DCDC1: variants seen among roughly 807,000 people sequenced by gnomAD.
DCDC1 encodes the protein doublecortin domain-containing protein 1.
In DCDC1, 200 loss-of-function variants were observed where a neutral mutation model predicts 178.3. The observed-to-expected ratio is 1.12, with a 90% CI of 1.00 to 1.26. The LOEUF (loss-of-function observed/expected upper bound fraction) is 1.26, where lower values mean the gene tolerates loss of function less well. Ranked by LOEUF, DCDC1 falls within the 50% of genes most tolerant of loss-of-function variation. DCDC1 has a pLI of 0.00. For synonymous variants in DCDC1, 690 were observed against 604.8 expected, an observed-to-expected ratio of 1.14 and a Z score of -2.07; for missense variants, 1,983 against 1,749.2, an observed-to-expected ratio of 1.13 and a Z score of -2.38.
chr11:31,106,164 C>A (rs1338499566), intron 13 of DCDC1, among the ~76,000 whole-genome samples: 1 of 152,192 alleles, frequency 6.6e-6, no homozygotes, highest in Non-Finnish European at 1.5e-5. Context: ...CAAAAATTTA[C>A]ACAATGCTCA....
intron 9 of DCDC1, among the ~76,000 whole-genome samples, chr11:31,159,615 G>C (rs1428373349): frequency 2.0e-5 from 3 of 152,336 alleles, no homozygotes; most frequent in Non-Finnish European, 1.5e-5. Context: ...CAGTAAGTGT[G>C]AGCCAAGATT....
At chr11:30,994,102 T>G (rs1464089390) in intron 20 of DCDC1, among the ~76,000 whole-genome samples, 1 of 152,100 alleles carries the variant, frequency 6.6e-6, no homozygotes, top group African/African-American at 2.4e-5. Context: ...TGAAACATCA[T>G]ACGACCAAGT....
chr11:31,100,198 C>T (rs1052753593), intron 15 of DCDC1, among the ~76,000 whole-genome samples: 1 of 152,170 alleles, frequency 6.6e-6, no homozygotes, highest in Non-Finnish European at 1.5e-5. Context: ...AAATAACAAT[C>T]TGGCTTGGCT....
In DCDC1 at chr11:31,287,973, T is replaced by C. The variant is rs756041871; in HGVS notation, c.960+2674A>G. On this transcript the variant is annotated intron_variant, in intron 7 of 38. Transcript: ENST00000684477. The stretch of plus-strand genomic sequence containing the variant: ...TCATCATTTTCTTCACCACTGTAAT[T>C]TCCTGCTATTGGTGATAGTAGCAAA... Among the ~76,000 whole-genome samples, 8 of 151,554 alleles carry C rather than the reference T, an allele frequency of 5.3e-5. No individual in the cohort carries two copies. The South Asian group carries it at 1.7e-3, about 32-fold the overall frequency.
chr11:31,016,838 C>T (rs1236269107), intron 20 of DCDC1, among the ~76,000 whole-genome samples: 3 of 152,104 alleles, frequency 2.0e-5, no homozygotes, highest in Non-Finnish European at 4.4e-5. Flanking sequence ...ACTCCCCACA[C>T]CAGGTGATTC....
intron 36 of DCDC1, among the ~76,000 whole-genome samples, chr11:30,888,060 A>AG (rs1943355451): frequency 9.5e-5 from 7 of 73,454 alleles, no homozygotes; most frequent in Admixed American, 2.8e-4. Context: ...GAAAGAAAGA[A>AG]AGAGAGAGAG....
chr11:31,310,574 C>T (rs559599224), intron 3 of DCDC1, among the ~76,000 whole-genome samples: 2 of 152,080 alleles, frequency 1.3e-5, no homozygotes, highest in South Asian at 2.1e-4. Context: ...CCACCTTGGC[C>T]TCTCAAAGTG....
intron 20 of DCDC1, among the ~76,000 whole-genome samples, chr11:31,036,954 T>C (rs979639913): frequency 1.3e-5 from 2 of 152,198 alleles, no homozygotes; most frequent in Non-Finnish European, 2.9e-5. Flanking sequence ...TATGCAGATA[T>C]GGAAAACTGA....
intron 20 of DCDC1, among the ~76,000 whole-genome samples, chr11:30,965,478 C>G (rs1353981066): frequency 6.6e-6 from 1 of 151,860 alleles, no homozygotes; most frequent in African/African-American, 2.4e-5. Flanking sequence ...ATGGGACCCA[C>G]ACCATCCCAG....
chr11:31,124,148 CT>C (rs1961232798), intron 11 of DCDC1, among the ~76,000 whole-genome samples: 1 of 151,996 alleles, frequency 6.6e-6, no homozygotes. Flanking sequence ...ATGATACTGG[CT>C]GTGGGTTTGT....
At chr11:31,183,966 A>G (rs1322702906) in intron 9 of DCDC1, among the ~76,000 whole-genome samples, 6 of 152,126 alleles carry the variant, frequency 3.9e-5, no homozygotes, top group Non-Finnish European at 8.8e-5. Flanking sequence ...CAAAAAAGAG[A>G]CCATATAGCC....
chr11:31,069,196 AAATT>A (rs1956420871), intron 18 of DCDC1, among the ~76,000 whole-genome samples: 1 of 152,138 alleles, frequency 6.6e-6, no homozygotes, highest in African/African-American at 2.4e-5. Context: ...CATATTATAA[AAATT>A]AATACTTTAA....
At chr11:30,980,694 A>C (rs1950349268) in intron 20 of DCDC1, among the ~76,000 whole-genome samples, 1 of 152,206 alleles carries the variant, frequency 6.6e-6, no homozygotes, top group Non-Finnish European at 1.5e-5. Context: ...ATGAATGAAA[A>C]GAATGCCTTT....
intron 10 of DCDC1, among the ~76,000 whole-genome samples, chr11:31,131,381 C>A (rs1438393273): frequency 3.3e-5 from 5 of 152,084 alleles, no homozygotes; most frequent in African/African-American, 1.2e-4. Context: ...CCTTTTCTTA[C>A]TTTTTGGAAT....
At chr11:31,242,082 A>G (rs1219656787) in intron 8 of DCDC1, among the ~76,000 whole-genome samples, 1 of 151,932 alleles carries the variant, frequency 6.6e-6, no homozygotes, top group South Asian at 2.1e-4. Context: ...ACCTTTATAA[A>G]CCATCCTATT....
chr11:31,250,421 C>T (rs202208666), intron 8 of DCDC1, among the ~76,000 whole-genome samples: 562 of 52,274 alleles, frequency 0.011, 27 homozygotes, highest in East Asian at 0.062. Context: ...CACACATATA[C>T]ATATATATGT....
At chr11:31,359,355 A>G (rs1371796599) in intron 1 of DCDC1, among the ~76,000 whole-genome samples, 4 of 149,498 alleles carry the variant, frequency 2.7e-5, no homozygotes, top group African/African-American at 7.4e-5. Context: ...AACACCGCAT[A>G]TTCTCACTCA....
intron 9 of DCDC1, among the ~76,000 whole-genome samples, chr11:31,233,574 T>A (rs974509934): frequency 3.9e-5 from 6 of 152,156 alleles, no homozygotes; most frequent in African/African-American, 1.2e-4. Flanking sequence ...GATGCCACAC[T>A]ATATAGTTCA....
chr11:31,063,706 C>A (rs957231104), intron 20 of DCDC1, among the ~76,000 whole-genome samples: 4 of 151,744 alleles, frequency 2.6e-5, no homozygotes, highest in African/African-American at 4.8e-5. Context: ...TAGCTAGACC[C>A]CATTTTTACA....
Sources: gnomAD v4.1 joint callset for allele counts (sites outside exome capture counted in the v4.1 genomes callset) on GRCh38, gnomAD v4.1.1 for gene constraint, MANE v1.5 for transcripts, NCBI Gene and HGNC (gene_info 2026-07-23, HGNC 2026-07-21) for gene names.